The following TNKS variants were observed in gnomAD, a reference collection of about 807,000 sequenced individuals.
TNKS encodes the protein poly [ADP-ribose] polymerase tankyrase-1.
In TNKS, 72 loss-of-function variants were observed where a neutral mutation model predicts 135.8. The observed-to-expected ratio is 0.53, with a 90% CI of 0.44 to 0.64. TNKS has a LOEUF of 0.64. Among genes scored for constraint, TNKS ranks in the 30% least tolerant of loss-of-function variants. The pLI, the probability that TNKS is intolerant of heterozygous loss-of-function variation, is 0.00. For synonymous variants in TNKS, 849 were observed against 649.3 expected, an observed-to-expected ratio of 1.31 and a Z score of -4.68; for missense variants, 1,769 against 1,674.0, an observed-to-expected ratio of 1.06 and a Z score of -0.99.
intron 18 of TNKS, among the ~76,000 whole-genome samples, chr8:9,750,587 CTT>C (rs1806468678): frequency 1.3e-5 from 2 of 152,170 alleles, no homozygotes; most frequent in South Asian, 2.1e-4. Context: ...GCCTATCTAT[CTT>C]CCATTCACAG....
chr8:9,576,070 A>G (rs1797933181), intron 1 of TNKS, among the ~76,000 whole-genome samples: 1 of 152,122 alleles, frequency 6.6e-6, no homozygotes, highest in Non-Finnish European at 1.5e-5. Flanking sequence ...AAGCTTCTAG[A>G]TTTTCCCATC....
intron 11 of TNKS, among the ~76,000 whole-genome samples, chr8:9,718,468 C>A (rs1585370925): frequency 6.6e-6 from 1 of 152,174 alleles, no homozygotes; most frequent in South Asian, 2.1e-4. Flanking sequence ...GGATTCCCCT[C>A]AGCCATTTCT....
intron 2 of TNKS, among the ~76,000 whole-genome samples, chr8:9,581,986 C>T (rs960858580): frequency 2.0e-5 from 3 of 152,170 alleles, no homozygotes; most frequent in African/African-American, 7.2e-5. Context: ...ATATTGTCTT[C>T]ATTCTGTTTA....
intron 1 of TNKS, among the ~76,000 whole-genome samples, chr8:9,567,249 TG>T (rs1330401905): frequency 1.3e-5 from 2 of 152,210 alleles, no homozygotes; most frequent in Non-Finnish European, 2.9e-5. Flanking sequence ...AAAACTTTTT[TG>T]TAAGTATGGT....
At chr8:9,575,870 A>G (rs1396894904) in intron 1 of TNKS, among the ~76,000 whole-genome samples, 1 of 152,220 alleles carries the variant, frequency 6.6e-6, no homozygotes, top group Non-Finnish European at 1.5e-5. Flanking sequence ...CCTGCTTGAT[A>G]AGAAGTGTAG....
Position 9,706,978 on chromosome 8 carries a change from G to C in TNKS, c.1437G>C (p.Glu479Asp). Reference protein sequence around the residue: ...KSAVDMAPTPELRERLTYEFK... With the variant: ...KSAVDMAPTPDLRERLTYEFK... Reference sequence around the variant, plus strand: ...CTGTGGATATGGCTCCAACTCCGGAGCTTAGGGAGAGATTGACTTGTACGT... The same window carrying C: ...CTGTGGATATGGCTCCAACTCCGGACCTTAGGGAGAGATTGACTTGTACGT... The change falls in exon 8 of 27, where the codon GAG (glutamate) becomes GAC (aspartate). Residue 479 changes from glutamate (E) to aspartate (D), a missense_variant. By Grantham distance (45) the Glu-to-Asp change is conservative (BLOSUM62 2). Transcript: ENST00000310430. The C allele has an allele frequency of 1.3e-6, 2 of 1,598,350 alleles. No homozygotes were observed. Among genetic ancestry groups the C allele is most frequent in the Non-Finnish European group, 1.7e-6 (2 of 1,173,740 alleles).
At chr8:9,613,131 G>C (rs1799522627) in intron 2 of TNKS, among the ~76,000 whole-genome samples, 1 of 152,110 alleles carries the variant, frequency 6.6e-6, no homozygotes, top group Non-Finnish European at 1.5e-5. Context: ...GTTCAAACTT[G>C]TGTTATTGTC....
intron 26 of TNKS, among the ~76,000 whole-genome samples, chr8:9,770,683 A>C (rs1300610509): frequency 2.0e-5 from 3 of 152,260 alleles, no homozygotes; most frequent in Non-Finnish European, 4.4e-5. Flanking sequence ...AATGAATACC[A>C]TAACTACAAT....
rs376768771 is a variant in TNKS at position 9,776,608 on chromosome 8, C to A, written c.3898-42C>A. 5.1e-6 allele frequency: 8 copies of A among 1,575,570 alleles called. No homozygotes were observed. In the African/African-American group the frequency reaches 6.7e-5, roughly 13 times the overall value. ...CATTCGGCAAGGCTTTAATATTGTG[C>A]CTACTAGAAGGGTGATTTGTTTTTC... On this transcript the variant is annotated intron_variant, in intron 26 of 26. Coordinates refer to ENST00000310430, the MANE Select transcript of TNKS (RefSeq NM_003747.3).
At chr8:9,607,686 A>G (rs1799283709) in intron 2 of TNKS, among the ~76,000 whole-genome samples, 1 of 152,236 alleles carries the variant, frequency 6.6e-6, no homozygotes. Flanking sequence ...ACTATATAAA[A>G]TAATTACATT....
Position 9,710,044 on chromosome 8 carries a change from A to G in TNKS, c.1668A>G (p.Lys556=). 1 of 1,613,474 alleles carries G rather than the reference A, an allele frequency of 6.2e-7. No homozygotes were observed. The highest frequency in any genetic ancestry group is 8.5e-7 in the Non-Finnish European group (1 of 1,179,386). The change falls in exon 10 of 27, where the codon AAA becomes AAG. Residue 556 remains lysine (K), a splice_region_variant and synonymous_variant. Transcript: ENST00000310430. ...GAGCAAATGTTAATGAAAAAAATAA[A>G]GAGTAAGTATAATTGCAGAAGGAGT... ...RKGANVNEKN[K]DFMTPLHVAA... is the part of the protein sequence containing the mutation.
chr8:9,704,768 C>T lies in TNKS; in HGVS notation c.1202+11C>T, dbSNP rs369851997. 6.2e-7 allele frequency: 1 copy of T among 1,604,122 alleles called. No homozygotes were observed. Among genetic ancestry groups the T allele is most frequent in the African/African-American group, 1.3e-5 (1 of 74,572 alleles). ...TGCAAAAGACAAAGGGTAGGTCTATCAGTTTACTTCCTGTCAGTGCTTTGT... is the reference window on the plus strand; with the variant it reads ...TGCAAAAGACAAAGGGTAGGTCTATTAGTTTACTTCCTGTCAGTGCTTTGT... On this transcript the variant is annotated intron_variant, in intron 6 of 26. Coordinates refer to ENST00000310430, the MANE Select transcript of TNKS (RefSeq NM_003747.3).
chr8:9,660,943 G>C lies in TNKS; in HGVS notation c.995-19008G>C, dbSNP rs1407495246. 7.0e-5 allele frequency among the ~76,000 whole-genome samples: 10 copies of C among 143,736 alleles called. No homozygotes were observed. In the Admixed American group the frequency reaches 7.3e-4, roughly 11 times the overall value. The allele number at this position is 143,736 out of a possible 152,430, so 94.3% of individuals were successfully genotyped here. A position where few individuals can be genotyped will look rare whatever the true frequency, so the allele number is the denominator to read the frequency against. ...TCACAGGCATTCTTATACACCAATA[G>C]CAGACAGAGAGCCAAATCATGAGTG... On this transcript the variant is annotated intron_variant, in intron 3 of 26. Transcript: ENST00000310430.
At chr8:9,762,952 A>AT (rs778682520) in intron 21 of TNKS, among the ~76,000 whole-genome samples, 195 bp from the exon 22 acceptor site, 6 of 150,362 alleles carry the variant, frequency 4.0e-5, no homozygotes, top group South Asian at 2.1e-4. Context: ...AAACATCTTC[A>AT]TTTTTTTCTC....
At chr8:9,602,175 C>T (rs1039009124) in intron 2 of TNKS, among the ~76,000 whole-genome samples, 3 of 152,118 alleles carry the variant, frequency 2.0e-5, no homozygotes, top group Non-Finnish European at 1.5e-5. Flanking sequence ...AACAGACAAG[C>T]CGTGGCAAAA....
At position 9,584,013 on chromosome 8, in the gene TNKS, A is replaced by C. The variant is rs189833387; in HGVS notation, c.898+3630A>C. On this transcript the variant is annotated intron_variant, in intron 2 of 26. Transcript: ENST00000310430. ...CACCGTCTCTACTAAAAATACAAAA[A>C]ATTAGCCGGGCGTGGTGGTGGGCGC... is the stretch of plus-strand genomic sequence containing the variant. Among the ~76,000 whole-genome samples the C allele has an allele frequency of 9.4e-4, 143 of 151,428 alleles. 2 individuals carry two copies. Among genetic ancestry groups the C allele is most frequent in the Admixed American group, 7.7e-3 (117 of 15,214 alleles).
intron 20 of TNKS, among the ~76,000 whole-genome samples, chr8:9,755,708 T>C (rs1462629758): frequency 6.6e-6 from 1 of 152,230 alleles, no homozygotes; most frequent in Non-Finnish European, 1.5e-5. Flanking sequence ...CATATCTGTT[T>C]GGCTTAAGCC....
intron 2 of TNKS, among the ~76,000 whole-genome samples, chr8:9,590,433 T>C (rs1296262350): frequency 1.3e-5 from 2 of 152,248 alleles, no homozygotes; most frequent in Non-Finnish European, 2.9e-5. Flanking sequence ...TGTTTTATTT[T>C]ACACCATAGC....
At chr8:9,746,892 T>TTTTTTTC (rs1806264502) in intron 17 of TNKS, among the ~76,000 whole-genome samples, 1 of 148,076 alleles carries the variant, frequency 6.8e-6, no homozygotes, top group Non-Finnish European at 1.5e-5. Flanking sequence ...TTTTTTTTTT[T>TTTTTTTC]TTTTTTTTGA....
Sources: allele counts gnomAD v4.1 joint callset (sites outside exome capture counted in the v4.1 genomes callset), GRCh38; gene constraint gnomAD v4.1.1; transcripts MANE v1.5; gene names NCBI Gene and HGNC (gene_info 2026-07-23, HGNC 2026-07-21).